The following NCAPD3 variants were observed in gnomAD, a reference collection of about 807,000 sequenced individuals.
NCAPD3 encodes the protein non-SMC condensin II complex subunit D3, also known as condensin-2 complex subunit D3.
In NCAPD3, 105 loss-of-function variants were observed where a neutral mutation model predicts 182.9. The ratio of observed to expected loss-of-function variants is 0.57; its 90% CI spans 0.49 to 0.68. The LOEUF (loss-of-function observed/expected upper bound fraction) is 0.68, where lower values mean the gene tolerates loss of function less well. Ranked by LOEUF, NCAPD3 falls within the 30% of genes least tolerant of loss-of-function variation. The probability of loss-of-function intolerance (pLI) is 0.00; values close to 1 mark genes in which losing one functional copy is unlikely to be tolerated. For synonymous variants in NCAPD3, 815 were observed against 679.9 expected, an observed-to-expected ratio of 1.20 and a Z score of -3.09; for missense variants, 1,944 against 1,837.0, an observed-to-expected ratio of 1.06 and a Z score of -1.07.
intron 22 of NCAPD3, 73 bp from the exon 23 acceptor site, chr11:134,177,530 A>G (rs1944199594): frequency 7.5e-7 from 1 of 1,341,134 alleles, no homozygotes; most frequent in Non-Finnish European, 1.0e-6. Context: ...TTCTCCAGAT[A>G]CATCTTGCTA....
chr11:134,169,574 C>A (rs188063325), intron 24 of NCAPD3, among the ~76,000 whole-genome samples: 5 of 152,288 alleles, frequency 3.3e-5, no homozygotes, highest in African/African-American at 1.2e-4. Flanking sequence ...AGGACAAGTT[C>A]CCTCTGCAAA....
intron 13 of NCAPD3, among the ~76,000 whole-genome samples, chr11:134,197,180 C>G (rs1206666027): frequency 6.6e-6 from 1 of 152,116 alleles, no homozygotes; most frequent in African/African-American, 2.4e-5. Flanking sequence ...TAAAGCCTCC[C>G]CAGAAACAGA....
At chr11:134,159,430 G>T (rs151057702) in intron 29 of NCAPD3, among the ~76,000 whole-genome samples, 2 of 152,366 alleles carry the variant, frequency 1.3e-5, no homozygotes, top group African/African-American at 4.8e-5. Flanking sequence ...CTATGAGAAA[G>T]CTGCCACTTG....
intron 3 of NCAPD3, among the ~76,000 whole-genome samples, chr11:134,211,788 G>A (rs1937841693): frequency 1.3e-5 from 2 of 152,196 alleles, no homozygotes; most frequent in Middle Eastern, 3.4e-3. Context: ...GGTTATTACT[G>A]AAACAAAGAT....
chr11:134,193,767 A>G (rs1944570192), intron 15 of NCAPD3, among the ~76,000 whole-genome samples: 1 of 152,186 alleles, frequency 6.6e-6, no homozygotes, highest in African/African-American at 2.4e-5. Flanking sequence ...AATAATAATA[A>G]TAACAATAAA....
In NCAPD3 at chr11:134,162,158, G is replaced by A. The variant is rs544009733; in HGVS notation, c.3574-267C>T. Among the ~76,000 whole-genome samples, 3 of 152,302 alleles carry A rather than the reference G, an allele frequency of 2.0e-5. No individual in the cohort carries two copies. The East Asian group carries it at 5.8e-4, about 29-fold the overall frequency. ...AATGGGGAAAAAGAATTAGAAACAT[G>A]TTGAGTAGCTTTTGACAAAAGCCCC... is the stretch of plus-strand genomic sequence containing the variant. On this transcript the variant is annotated intron_variant, in intron 27 of 34. Coordinates refer to ENST00000534548, the MANE Select transcript of NCAPD3 (RefSeq NM_015261.3).
At chr11:134,155,467 C>A (rs573301394) in intron 32 of NCAPD3, among the ~76,000 whole-genome samples, 1 of 152,292 alleles carries the variant, frequency 6.6e-6, no homozygotes, top group African/African-American at 2.4e-5. Context: ...AATATTATGT[C>A]CAAGAGCCTG....
chr11:134,221,018 T>C (rs1938208157), intron 1 of NCAPD3, among the ~76,000 whole-genome samples: 1 of 152,232 alleles, frequency 6.6e-6, no homozygotes, highest in Non-Finnish European at 1.5e-5. Flanking sequence ...CATTCAGTGA[T>C]CAGGCTTTCC....
At chr11:134,162,478 G>C (rs954226635) in intron 27 of NCAPD3, among the ~76,000 whole-genome samples, 3 of 151,962 alleles carry the variant, frequency 2.0e-5, no homozygotes, top group African/African-American at 7.3e-5. Context: ...ATATTCTCCA[G>C]TGAATCTCTT....
At position 134,191,397 on chromosome 11, in the gene NCAPD3, C is replaced by A. The variant is rs137889500; in HGVS notation, c.2045+1292G>T. 3.3e-5 allele frequency among the ~76,000 whole-genome samples: 5 copies of A among 152,026 alleles called. No homozygotes were observed. The East Asian group carries it at 7.7e-4, about 24-fold the overall frequency. On this transcript the variant is annotated intron_variant, in intron 16 of 34. Coordinates refer to ENST00000534548, the MANE Select transcript of NCAPD3 (RefSeq NM_015261.3). ...CTTGGGCAGAGGTGGCTATCACCTA[C>A]AATGATAAACAGAGATTGCATGGTG...
intron 22 of NCAPD3, 116 bp downstream of exon 22, chr11:134,178,518 G>A: frequency 2.6e-6 from 2 of 759,258 alleles, no homozygotes; most frequent in Non-Finnish European, 4.2e-6. Context: ...CCACATGGCT[G>A]AGAGCAGACA....
chr11:134,168,809 C>A, intron 25 of NCAPD3, 108 bp downstream of exon 25: 2 of 1,456,244 alleles, frequency 1.4e-6, no homozygotes, highest in Non-Finnish European at 1.9e-6. Flanking sequence ...CAGTAAAGAC[C>A]TGGGGCAGGG....
At chr11:134,185,100 T>C in intron 17 of NCAPD3, 100 bp from the exon 18 acceptor site, 3 of 1,049,058 alleles carry the variant, frequency 2.9e-6, no homozygotes, top group Non-Finnish European at 4.4e-6. Flanking sequence ...GGAAGCAGGG[T>C]AGGTAGCATG....
At chr11:134,194,782 C>A in intron 13 of NCAPD3, 44 bp from the exon 14 acceptor site, 1 of 1,346,960 alleles carries the variant, frequency 7.4e-7, no homozygotes, top group Non-Finnish European at 1.0e-6. Flanking sequence ...GGAGAAAAGT[C>A]ACACAGCAGC....
chr11:134,207,144 A>G (rs889626923), intron 7 of NCAPD3, among the ~76,000 whole-genome samples: 7 of 152,206 alleles, frequency 4.6e-5, no homozygotes, highest in African/African-American at 9.7e-5. Context: ...TTTCCAACAT[A>G]TTATCTCATA....
chr11:134,178,567 G>A, intron 22 of NCAPD3, 67 bp downstream of exon 22: 1 of 1,241,616 alleles, frequency 8.1e-7, no homozygotes, highest in East Asian at 2.4e-5. Flanking sequence ...TCCCATGGCT[G>A]GGCTTACTTA....
intron 2 of NCAPD3, among the ~76,000 whole-genome samples, 188 bp from the exon 3 acceptor site, chr11:134,217,286 A>C (rs1344404343): frequency 6.6e-6 from 1 of 152,248 alleles, no homozygotes; most frequent in Non-Finnish European, 1.5e-5. Flanking sequence ...ATATTATTCA[A>C]AATTACCAAG....
At chr11:134,161,321 C>G (rs2120568394) in intron 28 of NCAPD3, among the ~76,000 whole-genome samples, 1 of 152,300 alleles carries the variant, frequency 6.6e-6, no homozygotes, top group East Asian at 1.9e-4. Context: ...CCTTGCTTGA[C>G]AAAGAATTCA....
chr11:134,165,740 C>A (rs529277107), intron 27 of NCAPD3, among the ~76,000 whole-genome samples: 24 of 138,268 alleles, frequency 1.7e-4, no homozygotes, highest in Admixed American at 8.7e-4. Context: ...GGGAGCTGCA[C>A]ACTCACTTGT....
Sources: allele counts gnomAD v4.1 joint callset (sites outside exome capture counted in the v4.1 genomes callset), GRCh38; gene constraint gnomAD v4.1.1; transcripts MANE v1.5; gene names NCBI Gene and HGNC (gene_info 2026-07-23, HGNC 2026-07-21).